Variants in SRFBP1 observed in about 807,000 individuals in gnomAD.
SRFBP1 encodes the protein serum response factor binding protein 1, also known as serum response factor-binding protein 1.
A neutral mutation model predicts 45.5 loss-of-function variants in SRFBP1; 47 were observed. The ratio of observed to expected loss-of-function variants is 1.03; its 90% CI spans 0.82 to 1.32. The LOEUF (loss-of-function observed/expected upper bound fraction) is 1.32, where lower values mean the gene tolerates loss of function less well. Among genes scored for constraint, SRFBP1 ranks in the 40% most tolerant of loss-of-function variants. The pLI is 0.00. For missense variants in SRFBP1, 621 were observed against 484.6 expected (o/e 1.28, Z -2.64); for synonymous variants, 203 against 166.3 (o/e 1.22, Z -1.70).
At chr5:122,017,698 A>G (rs1646777188) in intron 4 of SRFBP1, among the ~76,000 whole-genome samples, 1 of 152,218 alleles carries the variant, frequency 6.6e-6, no homozygotes, top group Non-Finnish European at 1.5e-5. Flanking sequence ...TTACTCACAT[A>G]AATCCTACAA....
intron 1 of SRFBP1, among the ~76,000 whole-genome samples, chr5:121,973,629 G>T (rs13172533): frequency 0.88 from 130,762 of 149,424 alleles, 57,325 homozygotes; most frequent in East Asian, 0.95. Context: ...GGGGGGGCAT[G>T]TATGTTTACA....
intron 4 of SRFBP1, among the ~76,000 whole-genome samples, chr5:122,010,264 A>G (rs1188848216): frequency 6.6e-6 from 1 of 152,028 alleles, no homozygotes; most frequent in East Asian, 1.9e-4. Flanking sequence ...GGAGTTCTAC[A>G]TAGTTTTCCT....
chr5:122,048,040 C>A (rs1753896958), intron 2 of SRFBP1, among the ~76,000 whole-genome samples: 1 of 152,062 alleles, frequency 6.6e-6, no homozygotes, highest in African/African-American at 2.4e-5. Context: ...CCTTTATTTC[C>A]TTCTCCTGCC....
chr5:122,044,708 G>A (rs1389375768), intron 2 of SRFBP1, among the ~76,000 whole-genome samples: 1 of 151,882 alleles, frequency 6.6e-6, no homozygotes, highest in Non-Finnish European at 1.5e-5. Context: ...GAGGTTTTTA[G>A]TTTTTTTCTT....
At chr5:121,986,023 A>T (rs751400546) in intron 3 of SRFBP1, among the ~76,000 whole-genome samples, 1 of 151,956 alleles carries the variant, frequency 6.6e-6, no homozygotes, top group Non-Finnish European at 1.5e-5. Context: ...TATGATATTT[A>T]AAATAATGAA....
intron 3 of SRFBP1, among the ~76,000 whole-genome samples, chr5:121,981,070 TG>T (rs1047381159): frequency 2.0e-5 from 3 of 152,148 alleles, no homozygotes; most frequent in African/African-American, 7.2e-5. Flanking sequence ...CATCAGAGTC[TG>T]TTTCCATTTA....
intron 2 of SRFBP1, among the ~76,000 whole-genome samples, chr5:122,054,470 C>A (rs1311146164): frequency 2.0e-5 from 3 of 152,150 alleles, no homozygotes; most frequent in Non-Finnish European, 4.4e-5. Context: ...TCCGTGTTCA[C>A]TAGCTCTTTT....
rs375406852 is a variant in SRFBP1 at position 122,050,308 on chromosome 5, C to A, written n.312-25007C>A. Among the ~76,000 whole-genome samples the A allele has an allele frequency of 2.6e-5, 4 of 152,084 alleles. No homozygotes were observed. In the East Asian group the frequency reaches 5.8e-4, roughly 22 times the overall value. The stretch of plus-strand genomic sequence containing the variant: ...CATGCTCAGTTTTTTGGAATAGTTT[C>A]AGCAGGAATGCACCAGCTCTTCTTT... On this transcript the variant is annotated intron_variant and non_coding_transcript_variant, in intron 2 of 2. Coordinates refer to the SRFBP1 transcript ENST00000504881.
At chr5:122,066,801 A>G in intron 2 of SRFBP1, 2 of 1,145,436 alleles carry the variant, frequency 1.7e-6, no homozygotes, top group Non-Finnish European at 2.6e-6. Flanking sequence ...AATATAATGA[A>G]TGAGTACAAC....
chr5:122,076,760 C>G (rs1754648458), downstream of SRFBP1: 1 of 697,948 alleles, frequency 1.4e-6, no homozygotes, highest in Non-Finnish European at 2.5e-6. Context: ...CCCAGGAGGT[C>G]ACGTCCCACT....
At chr5:122,012,668 A>G (rs141408168) in intron 4 of SRFBP1, among the ~76,000 whole-genome samples, 1 of 152,264 alleles carries the variant, frequency 6.6e-6, no homozygotes, top group East Asian at 1.9e-4. Flanking sequence ...GATATATACT[A>G]AGGAGATATA....
intron 2 of SRFBP1, among the ~76,000 whole-genome samples, chr5:122,057,451 TCTC>T (rs1194115522): frequency 1.5e-5 from 2 of 135,238 alleles, no homozygotes; most frequent in East Asian, 4.5e-4. Context: ...TTTGGATTGT[TCTC>T]AGTTCTGTGT....
At chr5:121,964,657 T>C (rs1389611857) in intron 1 of SRFBP1, among the ~76,000 whole-genome samples, 1 of 152,240 alleles carries the variant, frequency 6.6e-6, no homozygotes, top group East Asian at 1.9e-4. Flanking sequence ...TAAACATACA[T>C]GTGCATGTGC....
intron 7 of SRFBP1, among the ~76,000 whole-genome samples, chr5:122,024,797 A>G (rs1753442326): frequency 6.6e-6 from 1 of 152,218 alleles, no homozygotes; most frequent in African/African-American, 2.4e-5. Flanking sequence ...TATCCAAATA[A>G]AGGGTTTTTT....
intron 2 of SRFBP1, among the ~76,000 whole-genome samples, chr5:122,054,999 A>G (rs1270007089): frequency 6.6e-6 from 1 of 152,260 alleles, no homozygotes; most frequent in South Asian, 2.1e-4. Context: ...AAGCTAGGAT[A>G]TAAACTTGAA....
At chr5:122,012,104 C>T (rs980377345) in intron 4 of SRFBP1, among the ~76,000 whole-genome samples, 24 of 152,050 alleles carry the variant, frequency 1.6e-4, no homozygotes, top group African/African-American at 5.8e-4. Context: ...TGAGTTCTAG[C>T]TTGTTCCTAA....
chr5:121,962,357 G>GT (rs1561571970), intron 1 of SRFBP1, among the ~76,000 whole-genome samples: 1 of 152,214 alleles, frequency 6.6e-6, no homozygotes, highest in Non-Finnish European at 1.5e-5. Flanking sequence ...CGGAACTCAA[G>GT]ATAGTTCGTC....
rs774703642 is a variant in SRFBP1 at position 121,994,557 on chromosome 5, A to G, written c.199-42A>G. Reference sequence around the variant, plus strand: ...AAGGAACTTAATAATAGTGATAAAAATAGACACATAACTAAAATTAATTTG... The same window carrying G: ...AAGGAACTTAATAATAGTGATAAAAGTAGACACATAACTAAAATTAATTTG... On this transcript the variant is annotated intron_variant, in intron 3 of 7. Coordinates refer to ENST00000339397, the MANE Select transcript of SRFBP1 (RefSeq NM_152546.3). 4 of 1,328,656 alleles carry G rather than the reference A, an allele frequency of 3.0e-6. No homozygotes were observed. The East Asian group carries it at 7.0e-5, about 23-fold the overall frequency. The allele number at this position is 1,328,656 out of a possible 1,614,324, so 82.3% of individuals were successfully genotyped here.
At chr5:121,978,982 A>G (rs960926845) in intron 3 of SRFBP1, among the ~76,000 whole-genome samples, 24 of 152,268 alleles carry the variant, frequency 1.6e-4, no homozygotes, top group African/African-American at 5.8e-4. Flanking sequence ...TCTGAAATCT[A>G]TTATTAAAAT....
Sources: allele counts gnomAD v4.1 joint callset (sites outside exome capture counted in the v4.1 genomes callset), GRCh38; gene constraint gnomAD v4.1.1; transcripts MANE v1.5; gene names NCBI Gene and HGNC (gene_info 2026-07-23, HGNC 2026-07-21).